WDFY3: variants seen among roughly 807,000 people sequenced by gnomAD.
The protein encoded by WDFY3 is WD repeat and FYVE domain containing 3, also known as WD repeat and FYVE domain-containing protein 3.
A neutral mutation model predicts 409.6 loss-of-function variants in WDFY3; 66 were observed. The observed-to-expected ratio is 0.16, with a 90% CI of 0.13 to 0.20. The LOEUF (loss-of-function observed/expected upper bound fraction) is 0.20, where lower values mean the gene tolerates loss of function less well. Ranked by LOEUF, WDFY3 falls within the 10% of genes least tolerant of loss-of-function variation. WDFY3 has a pLI of 1.00. For missense variants in WDFY3, 3,031 were observed against 4,298.1 expected, an observed-to-expected ratio of 0.71 and a Z score of 8.24; for synonymous variants, 1,521 against 1,537.1, an observed-to-expected ratio of 0.99 and a Z score of 0.25.
At chr4:84,906,771 ATTT>A (rs574300152) in intron 2 of WDFY3, among the ~76,000 whole-genome samples, 10 of 136,914 alleles carry the variant, frequency 7.3e-5, no homozygotes, top group Admixed American at 2.2e-4. Flanking sequence ...ATATTTTGTG[ATTT>A]TTTTTTTTTT....
chr4:84,822,244 A>G (rs147615167), intron 10 of WDFY3, among the ~76,000 whole-genome samples: 227 of 152,286 alleles, frequency 1.5e-3, no homozygotes, highest in African/African-American at 5.0e-3. Context: ...GAAGTACATG[A>G]AAATAAGCAG....
At chr4:84,783,165 T>A (rs1394918464) in intron 24 of WDFY3, 91 bp from the exon 25 acceptor site, 2 of 1,167,364 alleles carry the variant, frequency 1.7e-6, no homozygotes, top group African/African-American at 3.1e-5. Context: ...AATGGTAACA[T>A]ATCTTTTCTC....
At chr4:84,961,002 G>T (rs1352905330) in intron 1 of WDFY3, among the ~76,000 whole-genome samples, 1 of 152,006 alleles carries the variant, frequency 6.6e-6, no homozygotes, top group Non-Finnish European at 1.5e-5. Flanking sequence ...GGATCACAAG[G>T]TCAGGAATTC....
chr4:84,675,334 C>T (rs1334142233), intron 67 of WDFY3, among the ~76,000 whole-genome samples: 1 of 152,150 alleles, frequency 6.6e-6, no homozygotes, highest in Non-Finnish European at 1.5e-5. Context: ...CACAGAAATT[C>T]CCACAGGAAA....
chr4:84,894,887 T>C (rs577076438), intron 3 of WDFY3, among the ~76,000 whole-genome samples: 21 of 149,658 alleles, frequency 1.4e-4, no homozygotes, highest in African/African-American at 4.7e-4. Flanking sequence ...GGGGAGGAGA[T>C]TGCAGTGAGC....
intron 1 of WDFY3, among the ~76,000 whole-genome samples, chr4:84,951,570 TCAA>T (rs1579265913): frequency 6.6e-6 from 1 of 152,216 alleles, no homozygotes; most frequent in Admixed American, 6.5e-5. Context: ...TATCTATATC[TCAA>T]CAACATGCCA....
chr4:84,919,434 T>TA (rs1173841885), intron 2 of WDFY3, among the ~76,000 whole-genome samples: 1 of 151,922 alleles, frequency 6.6e-6, no homozygotes, highest in Non-Finnish European at 1.5e-5. Context: ...TTAACTGTCT[T>TA]AAAGTGTCTC....
intron 4 of WDFY3, among the ~76,000 whole-genome samples, chr4:84,852,736 T>A (rs1759197781): frequency 6.6e-6 from 1 of 152,084 alleles, no homozygotes; most frequent in Admixed American, 6.6e-5. Context: ...TGTTAAATAA[T>A]CTATGTTACC....
chr4:84,759,217 G>T (rs947483485), intron 32 of WDFY3, among the ~76,000 whole-genome samples: 5 of 152,250 alleles, frequency 3.3e-5, no homozygotes, highest in South Asian at 2.1e-4. Context: ...CCTTGCAGTA[G>T]AGTTTGAAAT....
At chr4:84,815,300 C>G (rs954566969) in intron 13 of WDFY3, among the ~76,000 whole-genome samples, 1 of 152,044 alleles carries the variant, frequency 6.6e-6, no homozygotes, top group Non-Finnish European at 1.5e-5. Context: ...GAAAAATTAC[C>G]ATTTTACTTA....
intron 2 of WDFY3, among the ~76,000 whole-genome samples, chr4:84,929,821 G>A (rs1013293941): frequency 1.3e-5 from 2 of 151,980 alleles, no homozygotes; most frequent in African/African-American, 2.4e-5. Context: ...TGAGGCACGA[G>A]AATCGCTTGA....
At chr4:84,822,316 T>C (rs964530796) in intron 10 of WDFY3, among the ~76,000 whole-genome samples, 1 of 152,154 alleles carries the variant, frequency 6.6e-6, no homozygotes, top group Non-Finnish European at 1.5e-5. Context: ...TTTCCAAGTA[T>C]GACCAAAAAA....
chr4:84,673,911 C>CT (rs767226910), intron 67 of WDFY3, among the ~76,000 whole-genome samples: 8 of 152,160 alleles, frequency 5.3e-5, no homozygotes, highest in Middle Eastern at 3.2e-3. Flanking sequence ...GCCACTGTGC[C>CT]TGGCCTTGAA....
intron 2 of WDFY3, among the ~76,000 whole-genome samples, chr4:84,914,283 T>C (rs999559399): frequency 6.6e-6 from 1 of 151,916 alleles, no homozygotes; most frequent in African/African-American, 2.4e-5. Flanking sequence ...TAGCTGGGCG[T>C]GGTGGCAGGT....
chr4:84,687,970 G>A lies in WDFY3; in HGVS notation c.9543+116C>T, dbSNP rs1172854154. 16 of 1,106,464 alleles carry A rather than the reference G, an allele frequency of 1.4e-5. No homozygotes were observed. In the Admixed American group the frequency reaches 1.5e-4, roughly 10 times the overall value. The allele number at this position is 1,106,464 out of a possible 1,614,324, so 68.5% of individuals were successfully genotyped here. Reference sequence around the variant, plus strand: ...TCCTGGGCTCAACTAATCCTCCTGCGGTAGCCTCCTGAGCAGCTGCAACTC... The same window carrying A: ...TCCTGGGCTCAACTAATCCTCCTGCAGTAGCCTCCTGAGCAGCTGCAACTC... On this transcript the variant is annotated intron_variant, in intron 62 of 67. Coordinates refer to ENST00000295888, the MANE Select transcript of WDFY3 (RefSeq NM_014991.6).
At chr4:84,674,754 G>A in intron 67 of WDFY3, among the ~76,000 whole-genome samples, 1 of 151,408 alleles carries the variant, frequency 6.6e-6, no homozygotes, top group Non-Finnish European at 1.5e-5. Flanking sequence ...TGTAGTCCCA[G>A]CTACTCAGGA....
chr4:84,845,958 G>A (rs1032242627), intron 5 of WDFY3, among the ~76,000 whole-genome samples: 3 of 150,612 alleles, frequency 2.0e-5, no homozygotes, highest in Non-Finnish European at 3.0e-5. Context: ...AAATTTAGGT[G>A]CTATTAATAC....
At chr4:84,741,316 GT>G (rs879900100) in intron 38 of WDFY3, among the ~76,000 whole-genome samples, 86 of 140,536 alleles carry the variant, frequency 6.1e-4, no homozygotes, top group Admixed American at 8.6e-4. Context: ...TCTCTATTCA[GT>G]TTTTTTTTTT....
chr4:84,859,503 C>G (rs1760255677), intron 4 of WDFY3, among the ~76,000 whole-genome samples: 1 of 152,120 alleles, frequency 6.6e-6, no homozygotes, highest in Admixed American at 6.5e-5. Context: ...AGGAGGGAAC[C>G]TATAAGCCTG....
Sources: allele counts gnomAD v4.1 joint callset (sites outside exome capture counted in the v4.1 genomes callset), GRCh38; gene constraint gnomAD v4.1.1; transcripts MANE v1.5; gene names NCBI Gene and HGNC (gene_info 2026-07-23, HGNC 2026-07-21).